IQCF1: variants seen among roughly 807,000 people sequenced by gnomAD.
IQCF1 encodes IQ domain-containing protein F1.
In IQCF1, 9 loss-of-function variants were observed where a neutral mutation model predicts 12.5. The observed-to-expected ratio is 0.72, with a 90% CI of 0.43 to 1.26. IQCF1 has a LOEUF of 1.26. Ranked by LOEUF, IQCF1 falls within the 50% of genes most tolerant of loss-of-function variation. IQCF1 has a pLI of 0.00. For synonymous variants in IQCF1, 67 were observed against 96.2 expected, an observed-to-expected ratio of 0.70 and a Z score of 1.78; for missense variants, 252 against 257.4, an observed-to-expected ratio of 0.98 and a Z score of 0.14.
intron 3 of IQCF1, 86 bp downstream of exon 3, chr3:51,896,746 C>T (rs1161979633): frequency 2.9e-6 from 3 of 1,032,030 alleles, no homozygotes; most frequent in African/African-American, 1.6e-5. Context: ...TAACTGAGCC[C>T]AGCTTCCCAT....
At chr3:51,902,904 T>A in intron 2 of IQCF1, 81 bp downstream of exon 2, 3 of 1,084,472 alleles carry the variant, frequency 2.8e-6, no homozygotes, top group Non-Finnish European at 4.3e-6. Context: ...AAACTTCACT[T>A]ATAACAGCAC....
At chr3:51,902,654 T>G (rs1699090407) in intron 2 of IQCF1, 2 of 292,272 alleles carry the variant, frequency 6.8e-6, no homozygotes, top group Non-Finnish European at 1.3e-5. Context: ...CCCATCACTC[T>G]CTTTAAATTA....
At chr3:51,901,782 A>G (rs777571251) in intron 2 of IQCF1, among the ~76,000 whole-genome samples, 21 of 152,264 alleles carry the variant, frequency 1.4e-4, no homozygotes, top group African/African-American at 5.1e-4. Flanking sequence ...TAATAAAAAT[A>G]TAGATTGAAT....
chr3:51,901,004 C>T (rs1432487613), intron 2 of IQCF1, among the ~76,000 whole-genome samples: 1 of 152,204 alleles, frequency 6.6e-6, no homozygotes. Flanking sequence ...GCTCCTCCTC[C>T]ATCTAACAAC....
intron 2 of IQCF1, among the ~76,000 whole-genome samples, chr3:51,897,835 G>A (rs1577635757): frequency 1.3e-5 from 2 of 152,294 alleles, no homozygotes; most frequent in Middle Eastern, 6.8e-3. Context: ...CTGCAGTTCT[G>A]TAGCTACCTC....
chr3:51,899,888 CA>C (rs1434560049), intron 2 of IQCF1, among the ~76,000 whole-genome samples: 4 of 151,996 alleles, frequency 2.6e-5, no homozygotes, highest in East Asian at 1.9e-4. Flanking sequence ...GGAAGCTTGT[CA>C]AATATAAAAT....
Position 51,900,902 on chromosome 3 carries a change from C to G in IQCF1, c.108+2083G>C, listed in dbSNP as rs1699067902. Among the ~76,000 whole-genome samples the G allele has an allele frequency of 6.6e-6, 1 of 152,142 alleles. No individual in the cohort carries two copies. Among genetic ancestry groups the G allele is most frequent in the African/African-American group, 2.4e-5 (1 of 41,418 alleles). ...GGGGGCTGAGGTTTCAGGGACAGAC[C>G]CTATTGGATTCTTTGAAATGCATTT... On this transcript the variant is annotated intron_variant, in intron 2 of 3. Coordinates refer to ENST00000310914, the MANE Select transcript of IQCF1 (RefSeq NM_152397.3). This position sits in a 1 kb window ranked among gnomAD's most constrained non-coding sequence, Gnocchi z 4.2.
chr3:51,897,593 G>A (rs544853930), intron 2 of IQCF1, among the ~76,000 whole-genome samples: 2 of 152,246 alleles, frequency 1.3e-5, no homozygotes, highest in South Asian at 2.1e-4. Context: ...TCAGCAACGC[G>A]GAAAGAAACT....
At chr3:51,898,808 A>G (rs370568577) in intron 2 of IQCF1, among the ~76,000 whole-genome samples, 12 of 152,348 alleles carry the variant, frequency 7.9e-5, no homozygotes, top group East Asian at 7.7e-4. Context: ...TCAGGACAGG[A>G]TGATAGATGG....
In IQCF1 at chr3:51,895,189, A is replaced by G. The variant is rs750889262; in HGVS notation, c.319T>C (p.Ser107Pro). Residue 107 changes from serine (S) to proline (P), a missense_variant, in exon 4 of 4, where the codon TCC (serine) becomes CCC (proline). Transcript: ENST00000310914. The surrounding 1 kb of genome is among the most constrained non-coding windows in gnomAD (Gnocchi z 4.8). ...TGCCGCCTCTTCTTCAGAATCTTGG[A>G]CAGTATCAGCCGCCACCAGCACTGA... ...IIQCWWRLIL[S>P]KILKKRRQAA... 6.2e-6 allele frequency: 10 copies of G among 1,614,182 alleles called. No homozygotes were observed. The highest frequency in any genetic ancestry group is 7.6e-6 in the Non-Finnish European group (9 of 1,180,038).
intron 2 of IQCF1, among the ~76,000 whole-genome samples, chr3:51,897,237 C>G (rs562470300): frequency 1.3e-5 from 2 of 152,118 alleles, no homozygotes; most frequent in African/African-American, 4.8e-5. Context: ...CTAACCCTAG[C>G]CAATAGGGGA....
chr3:51,901,896 A>G (rs1699079135), intron 2 of IQCF1, among the ~76,000 whole-genome samples: 1 of 152,248 alleles, frequency 6.6e-6, no homozygotes, highest in Non-Finnish European at 1.5e-5. Context: ...GGCTTGGGAA[A>G]ATAGGATAGG....
chr3:51,903,088 T>A lies in IQCF1; in HGVS notation c.5A>T (p.Glu2Val), dbSNP rs1041104552. Residue 2 changes from glutamate (E) to valine (V), a missense_variant and splice_region_variant, in exon 2 of 4, where the codon GAG (glutamate) becomes GTG (valine). Physicochemically the swap from Glu to Val is moderately radical, Grantham distance 121. Coordinates refer to ENST00000310914, the MANE Select transcript of IQCF1 (RefSeq NM_152397.3). The stretch of plus-strand genomic sequence containing the variant: ...CTTCGTCTTTTGGGGCTGCTTCTCC[T>A]CCTGCAATCAGCATTAGGGGAAAGG... M[E>V]EKQPQKTKEP... 1 of 1,613,888 alleles carries A rather than the reference T, an allele frequency of 6.2e-7. No homozygotes were observed. Among genetic ancestry groups the A allele is most frequent in the African/African-American group, 1.3e-5 (1 of 74,888 alleles).
Position 51,894,984 on chromosome 3 carries a change from ACT to A in IQCF1, c.522_523del (p.Arg174SerfsTer?). On this transcript the variant is annotated frameshift_variant, in exon 4 of 4. Transcript: ENST00000310914. LOFTEE classifies it high-confidence loss of function. ...CTGGAGATGCAGCTGGTTGGCTGTG[ACT>A]CTGTACTGGCCCTTGATGAACCCCC... is the stretch of plus-strand genomic sequence containing the variant. The A allele has an allele frequency of 6.2e-7, 1 of 1,613,960 alleles. No homozygotes were observed. The highest frequency in any genetic ancestry group is 8.5e-7 in the Non-Finnish European group (1 of 1,179,958).
intron 3 of IQCF1, 46 bp downstream of exon 3, chr3:51,896,786 C>A (rs1292573304): frequency 7.1e-7 from 1 of 1,412,116 alleles, no homozygotes; most frequent in East Asian, 2.3e-5. Flanking sequence ...ACCAGCACAG[C>A]CCCCACATCC....
chr3:51,898,953 TA>T (rs1478047998), intron 2 of IQCF1, among the ~76,000 whole-genome samples: 6 of 152,214 alleles, frequency 3.9e-5, no homozygotes, highest in African/African-American at 1.4e-4. Context: ...TTAAAGTACT[TA>T]CAGAATCAGG....
At chr3:51,896,920 C>G in intron 2 of IQCF1, 26 bp from the exon 3 acceptor site, 6 of 1,574,512 alleles carry the variant, frequency 3.8e-6, no homozygotes, top group Non-Finnish European at 5.2e-6. Flanking sequence ...GGAAAGAGAA[C>G]AGACAAGATT....
rs1698982913 is a variant in IQCF1 at position 51,895,022 on chromosome 3, G to A, written c.486C>T (p.Ser162=). ...RIIQAYWRCR[S]CASRGFIKGQ... ...CCTTGATGAACCCCCGGGAAGCACA[G>A]GAGCGGCACCTCCAGTAAGCCTGGA... is the stretch of plus-strand genomic sequence containing the variant. The change falls in exon 4 of 4, where the codon TCC becomes TCT. Residue 162 remains serine (S), a synonymous_variant. Coordinates refer to ENST00000310914, the MANE Select transcript of IQCF1 (RefSeq NM_152397.3). This position sits in a 1 kb window ranked among gnomAD's most constrained non-coding sequence, Gnocchi z 4.8. The A allele has an allele frequency of 6.2e-7, 1 of 1,614,266 alleles. No homozygotes were observed. The highest frequency in any genetic ancestry group is 1.7e-5 in the Admixed American group (1 of 60,034).
rs577967755 is a variant in IQCF1 at position 51,900,071 on chromosome 3, T to C, written c.108+2914A>G. ...GGTTTATCTTCCACTTTCCTTTCCCTCAAAACTAAAAGTCTTTTAGCACAG... is the reference window on the plus strand; with the variant it reads ...GGTTTATCTTCCACTTTCCTTTCCCCCAAAACTAAAAGTCTTTTAGCACAG... On this transcript the variant is annotated intron_variant, in intron 2 of 3. Coordinates refer to ENST00000310914, the MANE Select transcript of IQCF1 (RefSeq NM_152397.3). This position sits in a 1 kb window ranked among gnomAD's most constrained non-coding sequence, Gnocchi z 4.2. 1.2e-3 allele frequency among the ~76,000 whole-genome samples: 188 copies of C among 152,286 alleles called. 1 individual carries two copies. The highest frequency in any genetic ancestry group is 3.4e-3 in the Middle Eastern group (1 of 294).
Sources: allele counts gnomAD v4.1 joint callset (sites outside exome capture counted in the v4.1 genomes callset), GRCh38; gene constraint gnomAD v4.1.1; non-coding constraint Gnocchi (gnomAD v3.1); transcripts MANE v1.5; gene names NCBI Gene and HGNC (gene_info 2026-07-23, HGNC 2026-07-21).